Variants in CAPN13 observed in about 807,000 individuals in gnomAD.
The protein encoded by CAPN13 is calpain-13.
A neutral mutation model predicts 98.4 loss-of-function variants in CAPN13; 90 were observed. The ratio of observed to expected loss-of-function variants is 0.92; its 90% CI spans 0.77 to 1.09. The LOEUF is 1.09. Among genes scored for constraint, CAPN13 ranks in the 50% least tolerant of loss-of-function variants. The probability of loss-of-function intolerance (pLI) is 0.00; values close to 1 mark genes in which losing one functional copy is unlikely to be tolerated. For missense variants in CAPN13, 887 were observed against 841.3 expected, an observed-to-expected ratio of 1.05 and a Z score of -0.67; for synonymous variants, 330 against 305.5, an observed-to-expected ratio of 1.08 and a Z score of -0.84.
rs761877762 is a variant in CAPN13, at chr2:30,732,496, G to A, written c.1869C>T (p.Val623=). 20 of 1,612,818 alleles carry A rather than the reference G, an allele frequency of 1.2e-5. No individual in the cohort carries two copies. The highest frequency in any genetic ancestry group is 1.1e-4 in the South Asian group (10 of 90,848). ...CCAGGCTGGGGAAGCTGACCCTGCC[G>A]ACGCTGTCGCTGTACCTGAGGGTCA... ...HLVTLRYSDS[V]GRVSFPSLVC... Residue 623 remains valine (V), a synonymous_variant, in exon 20 of 23, where the codon GTC becomes GTT. Coordinates refer to ENST00000295055, the MANE Select transcript of CAPN13 (RefSeq NM_144575.3).
intron 5 of CAPN13, among the ~76,000 whole-genome samples, chr2:30,764,946 G>A (rs1290744035): frequency 1.3e-5 from 2 of 152,074 alleles, no homozygotes. Flanking sequence ...AGATCATTAG[G>A]GAGATCACTG....
rs1670739181 is a variant in CAPN13 at position 30,722,834 on chromosome 2, A to G, written c.*433T>C. 6.6e-6 allele frequency: 1 copy of G among 152,230 alleles called. No individual in the cohort carries two copies. 9.4% of individuals were successfully genotyped at this position (152,230 alleles called of 1,614,324 possible). A position where few individuals can be genotyped will look rare whatever the true frequency, so the allele number is the denominator to read the frequency against. ...GAAATCATCAGGATCCAGACATAAG[A>G]TAGTGTAATTATTCTGCAAACACCC... On this transcript the variant is annotated 3_prime_UTR_variant, in exon 23 of 23. Coordinates refer to ENST00000295055, the MANE Select transcript of CAPN13 (RefSeq NM_144575.3).
intron 4 of CAPN13, among the ~76,000 whole-genome samples, chr2:30,771,722 C>T (rs1263067123): frequency 6.6e-6 from 1 of 152,200 alleles, no homozygotes; most frequent in Non-Finnish European, 1.5e-5. Flanking sequence ...TAGTAGACAG[C>T]AGTCAGCTGG....
chr2:30,789,522 T>G (rs1252781273), intron 1 of CAPN13, among the ~76,000 whole-genome samples: 1 of 152,226 alleles, frequency 6.6e-6, no homozygotes, highest in Admixed American at 6.5e-5. Context: ...TACAAAGGTC[T>G]TATATGCGAG....
intron 6 of CAPN13, 126 bp downstream of exon 6, chr2:30,764,006 G>T: frequency 1.1e-6 from 1 of 929,814 alleles, no homozygotes; most frequent in Non-Finnish European, 1.6e-6. Flanking sequence ...CCCGGGTAAA[G>T]CACGCTATCA....
chr2:30,795,136 T>C (rs1033238601), intron 1 of CAPN13, among the ~76,000 whole-genome samples: 2 of 152,072 alleles, frequency 1.3e-5, no homozygotes, highest in African/African-American at 4.8e-5. Context: ...TTTATTTCAC[T>C]GCTGTATGTT....
intron 15 of CAPN13, among the ~76,000 whole-genome samples, chr2:30,740,371 G>A (rs113153696): frequency 1.6e-3 from 246 of 152,340 alleles, no homozygotes; most frequent in African/African-American, 5.7e-3. Flanking sequence ...GGGATGACAG[G>A]CGTCAGCTAC....
intron 4 of CAPN13, among the ~76,000 whole-genome samples, chr2:30,770,777 G>C (rs565759296): frequency 1.4e-4 from 21 of 152,322 alleles, no homozygotes; most frequent in Admixed American, 1.2e-3. Flanking sequence ...AAACTCTCCA[G>C]GTACTTCTTG....
chr2:30,730,184 A>G (rs1259485767), intron 22 of CAPN13, among the ~76,000 whole-genome samples: 1 of 152,176 alleles, frequency 6.6e-6, no homozygotes, highest in Non-Finnish European at 1.5e-5. Flanking sequence ...GGTGTGGACT[A>G]TGTAACTCTA....
At chr2:30,767,310 C>A (rs1216731793) in intron 5 of CAPN13, among the ~76,000 whole-genome samples, 1 of 152,160 alleles carries the variant, frequency 6.6e-6, no homozygotes, top group Non-Finnish European at 1.5e-5. Flanking sequence ...GGTGGGGGAC[C>A]TTTTAAACAG....
At chr2:30,743,939 C>T (rs1558618808) in intron 12 of CAPN13, among the ~76,000 whole-genome samples, 2 of 152,172 alleles carry the variant, frequency 1.3e-5, no homozygotes, top group Non-Finnish European at 2.9e-5. Context: ...CCTAAAGCCC[C>T]TTCTCTCCTG....
chr2:30,797,156 T>C (rs1250633493), intron 1 of CAPN13, among the ~76,000 whole-genome samples: 1 of 151,744 alleles, frequency 6.6e-6, no homozygotes, highest in Non-Finnish European at 1.5e-5. Flanking sequence ...GACTGAGGGG[T>C]CTACAGTGAT....
chr2:30,750,464 T>C (rs1326252596), intron 11 of CAPN13, among the ~76,000 whole-genome samples: 1 of 151,896 alleles, frequency 6.6e-6, no homozygotes, highest in African/African-American at 2.4e-5. Flanking sequence ...AAAATAAAAG[T>C]TTCATAAAAC....
intron 7 of CAPN13, among the ~76,000 whole-genome samples, chr2:30,759,401 A>C (rs1672706001): frequency 6.6e-6 from 1 of 152,194 alleles, no homozygotes; most frequent in Non-Finnish European, 1.5e-5. Flanking sequence ...TTGAATCTGC[A>C]TCCCCGGGAG....
At position 30,732,445 on chromosome 2, in the gene CAPN13, G is replaced by T. The variant is rs1183830918; in HGVS notation, c.1920C>A (p.Ala640=). Residue 640 remains alanine, a synonymous_variant, in exon 20 of 23, where the codon GCC becomes GCA. Transcript: ENST00000295055. ...CCCCTTGGGGACACTTACTTGCCATGGCTTCAAGCCGCATCAGGAAGCAGA... is the reference window on the plus strand; with the variant it reads ...CCCCTTGGGGACACTTACTTGCCATTGCTTCAAGCCGCATCAGGAAGCAGA... ...SLVCFLMRLE[A]MAKTFRNLSK... 1 of 1,613,448 alleles carries T rather than the reference G, an allele frequency of 6.2e-7. No homozygotes were observed. Among genetic ancestry groups the T allele is most frequent in the Non-Finnish European group, 8.5e-7 (1 of 1,179,794 alleles).
intron 7 of CAPN13, among the ~76,000 whole-genome samples, chr2:30,760,195 G>C (rs928539823): frequency 6.6e-6 from 1 of 152,208 alleles, no homozygotes. Context: ...CCGTCCTCCT[G>C]CCTCAGCCTC....
chr2:30,765,057 C>T (rs1673044424), intron 5 of CAPN13, among the ~76,000 whole-genome samples: 1 of 152,172 alleles, frequency 6.6e-6, no homozygotes. Flanking sequence ...TCCTGCCACC[C>T]CACCTCCACC....
intron 22 of CAPN13, among the ~76,000 whole-genome samples, chr2:30,728,521 T>C (rs1450165393): frequency 2.0e-5 from 3 of 152,106 alleles, no homozygotes; most frequent in African/African-American, 7.2e-5. Flanking sequence ...GCCAAAGGCT[T>C]CAGGCTGGGA....
At chr2:30,787,573 CCGTGTGCTTTCA>C (rs1376593894) in intron 1 of CAPN13, among the ~76,000 whole-genome samples, 2 of 152,196 alleles carry the variant, frequency 1.3e-5, no homozygotes, top group African/African-American at 4.8e-5. Context: ...AACAGCTTTC[CCGTGTGCTTTCA>C]CGTGCACAAG....
Sources: gnomAD v4.1 joint callset for allele counts (sites outside exome capture counted in the v4.1 genomes callset) on GRCh38, gnomAD v4.1.1 for gene constraint, MANE v1.5 for transcripts, NCBI Gene and HGNC (gene_info 2026-07-23, HGNC 2026-07-21) for gene names.